INPP4B: variants seen among roughly 807,000 people sequenced by gnomAD.
INPP4B encodes inositol polyphosphate 4-phosphatase type II.
In INPP4B, 55 loss-of-function variants were observed where a neutral mutation model predicts 122.5. The observed-to-expected ratio is 0.45, with a 90% CI of 0.36 to 0.56. The LOEUF (loss-of-function observed/expected upper bound fraction) is 0.56, where lower values mean the gene tolerates loss of function less well. Among genes scored for constraint, INPP4B ranks in the 20% least tolerant of loss-of-function variants. INPP4B has a pLI of 0.00. For synonymous variants in INPP4B, 403 were observed against 388.7 expected, an observed-to-expected ratio of 1.04 and a Z score of -0.43; for missense variants, 1,000 against 1,097.7, an observed-to-expected ratio of 0.91 and a Z score of 1.26.
intron 12 of INPP4B, among the ~76,000 whole-genome samples, chr4:142,215,421 G>A (rs1846695485): frequency 2.0e-5 from 3 of 152,152 alleles, no homozygotes; most frequent in African/African-American, 4.8e-5. Flanking sequence ...AAACGTTCAC[G>A]TGCTTTAAAA....
intron 9 of INPP4B, among the ~76,000 whole-genome samples, chr4:142,284,768 CA>C (rs1752748102): frequency 6.6e-6 from 1 of 151,836 alleles, no homozygotes; most frequent in Admixed American, 6.6e-5. Context: ...GGTCGTGTAC[CA>C]AATAAAACCT....
Position 142,171,333 on chromosome 4 carries a change from G to A in INPP4B, c.1359+2299C>T, listed in dbSNP as rs553037765. Among the ~76,000 whole-genome samples, 6 of 151,852 alleles carry A rather than the reference G, an allele frequency of 4.0e-5. No homozygotes were observed. The South Asian group carries it at 1.0e-3, about 26-fold the overall frequency. On this transcript the variant is annotated intron_variant, in intron 16 of 25. Coordinates refer to ENST00000262992, the MANE Select transcript of INPP4B (RefSeq NM_001101669.3). Reference sequence around the variant, plus strand: ...TGTCTTGAATATGCTATATGGATTAGTCCCTAAGAAAACAACACTAGGTAC... The same window carrying A: ...TGTCTTGAATATGCTATATGGATTAATCCCTAAGAAAACAACACTAGGTAC...
At chr4:142,512,219 A>G (rs1269463043) in intron 2 of INPP4B, among the ~76,000 whole-genome samples, 1 of 151,794 alleles carries the variant, frequency 6.6e-6, no homozygotes, top group Non-Finnish European at 1.5e-5. Flanking sequence ...TTTATTACTC[A>G]TTAAAAAATA....
chr4:142,521,887 T>C (rs1826122583), intron 2 of INPP4B, among the ~76,000 whole-genome samples: 1 of 152,128 alleles, frequency 6.6e-6, no homozygotes, highest in Non-Finnish European at 1.5e-5. Flanking sequence ...GAAATTGTAT[T>C]TGTATAAATA....
intron 1 of INPP4B, among the ~76,000 whole-genome samples, chr4:142,796,072 A>G (rs1777197836): frequency 6.6e-6 from 1 of 152,000 alleles, no homozygotes. Flanking sequence ...GAATTTGGTT[A>G]CAGTATTCAT....
At chr4:142,501,347 T>A (rs1162979728) in intron 2 of INPP4B, among the ~76,000 whole-genome samples, 2 of 152,090 alleles carry the variant, frequency 1.3e-5, no homozygotes, top group African/African-American at 4.8e-5. Flanking sequence ...ACAGGAAAAT[T>A]AGAAAGAGAA....
At chr4:142,811,236 G>T (rs1279666762) in intron 1 of INPP4B, among the ~76,000 whole-genome samples, 1 of 152,174 alleles carries the variant, frequency 6.6e-6, no homozygotes, top group East Asian at 1.9e-4. Context: ...ATAGGCAGTG[G>T]CTATCATTGC....
chr4:142,608,349 T>C (rs1407016269), intron 2 of INPP4B, among the ~76,000 whole-genome samples: 1 of 152,146 alleles, frequency 6.6e-6, no homozygotes, highest in East Asian at 1.9e-4. Flanking sequence ...TTATAGTGAG[T>C]TGGAAGAAAA....
intron 25 of INPP4B, among the ~76,000 whole-genome samples, chr4:142,046,347 G>A (rs567634666): frequency 5.3e-5 from 8 of 152,224 alleles, no homozygotes; most frequent in African/African-American, 1.9e-4. Flanking sequence ...AAGACAGTGA[G>A]TGATGAGAGC....
Position 142,116,626 on chromosome 4 carries a change from T to C in INPP4B, c.2136-3944A>G, listed in dbSNP as rs533324509. Reference sequence around the variant, plus strand: ...TCTTTGAAACCAATGAGAACAAAGATACAACATACCAGAATCTCTGGACAC... The same window carrying C: ...TCTTTGAAACCAATGAGAACAAAGACACAACATACCAGAATCTCTGGACAC... On this transcript the variant is annotated intron_variant, in intron 21 of 25. Coordinates refer to ENST00000262992, the MANE Select transcript of INPP4B (RefSeq NM_001101669.3). Among the ~76,000 whole-genome samples the C allele has an allele frequency of 2.2e-4, 33 of 152,090 alleles. 1 individual carries two copies. Among genetic ancestry groups the C allele is most frequent in the African/African-American group, 6.0e-4 (25 of 41,500 alleles).
At chr4:142,661,389 CA>C (rs1755144273) in intron 2 of INPP4B, among the ~76,000 whole-genome samples, 1 of 152,090 alleles carries the variant, frequency 6.6e-6, no homozygotes, top group South Asian at 2.1e-4. Context: ...GAGAAGAGCA[CA>C]AGAAGAAATG....
rs142303010 is a variant in INPP4B, at chr4:142,082,857, C to T, written c.2488-672G>A. 8.5e-5 allele frequency among the ~76,000 whole-genome samples: 13 copies of T among 152,236 alleles called. No homozygotes were observed. The East Asian group carries it at 1.2e-3, about 14-fold the overall frequency. ...TAAACTTCACAGGGGCCGGGCACAGCGGCTCATGCCTGTAATCCTAACACT... is the reference window on the plus strand; with the variant it reads ...TAAACTTCACAGGGGCCGGGCACAGTGGCTCATGCCTGTAATCCTAACACT... On this transcript the variant is annotated intron_variant, in intron 24 of 25. Transcript: ENST00000262992.
At chr4:142,705,348 T>C (rs556838284) in intron 2 of INPP4B, among the ~76,000 whole-genome samples, 2 of 152,166 alleles carry the variant, frequency 1.3e-5, no homozygotes, top group East Asian at 1.9e-4. Context: ...TGACTCTCCT[T>C]TTTTTGTGTA....
At chr4:142,478,046 G>A (rs555057031) in intron 2 of INPP4B, among the ~76,000 whole-genome samples, 11 of 152,212 alleles carry the variant, frequency 7.2e-5, no homozygotes, top group Non-Finnish European at 1.2e-4. Flanking sequence ...CAAGCAATCC[G>A]CTCACCTAGG....
At chr4:142,362,653 A>C (rs1483515434) in intron 7 of INPP4B, among the ~76,000 whole-genome samples, 1 of 149,256 alleles carries the variant, frequency 6.7e-6, no homozygotes, top group Non-Finnish European at 1.5e-5. Flanking sequence ...AATATTACAC[A>C]GCCATAAAAA....
intron 2 of INPP4B, among the ~76,000 whole-genome samples, chr4:142,537,795 A>G (rs1489508104): frequency 1.3e-5 from 2 of 149,224 alleles, no homozygotes; most frequent in South Asian, 2.1e-4. Flanking sequence ...ATGGAGGGGG[A>G]AAATATAAAA....
chr4:142,290,158 T>C (rs1418480176), intron 9 of INPP4B, among the ~76,000 whole-genome samples: 2 of 149,078 alleles, frequency 1.3e-5, no homozygotes, highest in Non-Finnish European at 3.0e-5. Flanking sequence ...CTATACCACC[T>C]GGAACTCATC....
intron 2 of INPP4B, among the ~76,000 whole-genome samples, chr4:142,515,882 T>A (rs946039271): frequency 2.6e-5 from 4 of 152,152 alleles, no homozygotes; most frequent in African/African-American, 9.7e-5. Flanking sequence ...TTATTGGAAA[T>A]TGCTTAATTA....
chr4:142,580,942 G>A (rs1320837491), intron 2 of INPP4B, among the ~76,000 whole-genome samples: 3 of 151,980 alleles, frequency 2.0e-5, no homozygotes, highest in African/African-American at 7.2e-5. Flanking sequence ...TGCAGGACAT[G>A]TCCTAATTGT....
Sources: gnomAD v4.1 joint callset for allele counts (sites outside exome capture counted in the v4.1 genomes callset) on GRCh38, gnomAD v4.1.1 for gene constraint, MANE v1.5 for transcripts, NCBI Gene and HGNC (gene_info 2026-07-23, HGNC 2026-07-21) for gene names.